The following FAXC variants were observed in gnomAD, a reference collection of about 807,000 sequenced individuals.
The protein encoded by FAXC is failed axon connections homolog.
Under a neutral mutation model 41.9 loss-of-function variants are expected in FAXC, and 10 were observed. The observed-to-expected ratio is 0.24, with a 90% CI of 0.15 to 0.41. The LOEUF (loss-of-function observed/expected upper bound fraction) is 0.41. FAXC is among the 10% of genes least tolerant of loss of function. FAXC has a pLI of 1.00. For missense variants in FAXC, 399 were observed against 510.9 expected, an observed-to-expected ratio of 0.78 and a Z score of 2.11; for synonymous variants, 183 against 183.8, an observed-to-expected ratio of 1.00 and a Z score of 0.03.
chr6:99,319,208 T>TAACACGGTG (rs988431505), intron 4 of FAXC, among the ~76,000 whole-genome samples: 1 of 152,034 alleles, frequency 6.6e-6, no homozygotes, highest in African/African-American at 2.4e-5. Context: ...CCATCCTGGC[T>TAACACGGTG]AACACGGTGA....
chr6:99,319,158 G>A (rs964862657), intron 4 of FAXC, among the ~76,000 whole-genome samples: 1 of 152,130 alleles, frequency 6.6e-6, no homozygotes, highest in Non-Finnish European at 1.5e-5. Flanking sequence ...AGCACTTTGG[G>A]AGGCCGAGGC....
intron 5 of FAXC, among the ~76,000 whole-genome samples, chr6:99,290,426 G>T (rs528603473): frequency 6.6e-6 from 1 of 152,230 alleles, no homozygotes; most frequent in East Asian, 1.9e-4. Context: ...GGGCGGCCGG[G>T]CGTGGTGGCT....
chr6:99,296,701 C>T (rs1290950269), intron 4 of FAXC, among the ~76,000 whole-genome samples: 1 of 152,126 alleles, frequency 6.6e-6, no homozygotes, highest in Non-Finnish European at 1.5e-5. Context: ...CGACAGACCT[C>T]ATGGCTTGGT....
intron 2 of FAXC, chr6:99,334,610 C>T (rs1275310343): frequency 3.1e-6 from 3 of 981,694 alleles, no homozygotes; most frequent in Non-Finnish European, 3.6e-6. Context: ...TTACCACATA[C>T]CATAGCCCCT....
intron 4 of FAXC, among the ~76,000 whole-genome samples, chr6:99,322,670 T>C (rs1772635062): frequency 6.6e-6 from 1 of 152,148 alleles, no homozygotes; most frequent in South Asian, 2.1e-4. Flanking sequence ...ATTTCACACA[T>C]AGAAGGTCCT....
chr6:99,313,093 G>C (rs935680767), intron 4 of FAXC, among the ~76,000 whole-genome samples: 1 of 152,198 alleles, frequency 6.6e-6, no homozygotes, highest in Non-Finnish European at 1.5e-5. Context: ...AGGAATTCAA[G>C]ACCAGCCTGG....
In FAXC at chr6:99,275,698, G is replaced by C. The variant is rs1770579204; in HGVS notation, c.*5466C>G. On this transcript the variant is annotated 3_prime_UTR_variant, in exon 6 of 6. Transcript: ENST00000389677. Reference sequence around the variant, plus strand: ...CTAACTGGCAAGGCTAACGTTGCTGGTTCCAGCAGTCTCATCTCAAAGATT... The same window carrying C: ...CTAACTGGCAAGGCTAACGTTGCTGCTTCCAGCAGTCTCATCTCAAAGATT... 3.3e-5 allele frequency: 5 copies of C among 152,132 alleles called. No individual in the cohort carries two copies. The allele number at this position is 152,132 out of a possible 1,614,324, so 9.4% of individuals were successfully genotyped here.
intron 3 of FAXC, among the ~76,000 whole-genome samples, chr6:99,328,669 C>A (rs1772916404): frequency 6.6e-6 from 1 of 152,210 alleles, no homozygotes; most frequent in Non-Finnish European, 1.5e-5. Context: ...CCACTCCCAA[C>A]TGTCCTTGGA....
chr6:99,321,802 C>G (rs180980758), intron 4 of FAXC, among the ~76,000 whole-genome samples: 1 of 152,346 alleles, frequency 6.6e-6, no homozygotes, highest in East Asian at 1.9e-4. Context: ...ATTTTCCCAA[C>G]CAGAAATGTC....
chr6:99,328,668 A>G (rs1470714568), intron 3 of FAXC, among the ~76,000 whole-genome samples: 1 of 151,916 alleles, frequency 6.6e-6, no homozygotes, highest in African/African-American at 2.4e-5. Context: ...GCCACTCCCA[A>G]CTGTCCTTGG....
chr6:99,331,422 C>T (rs2128462250), intron 3 of FAXC, among the ~76,000 whole-genome samples: 1 of 152,142 alleles, frequency 6.6e-6, no homozygotes, highest in African/African-American at 2.4e-5. Context: ...AGTATCAGCT[C>T]GGGGCTGGTG....
At chr6:99,334,875 G>A (rs893586355) in intron 2 of FAXC, among the ~76,000 whole-genome samples, 2 of 152,120 alleles carry the variant, frequency 1.3e-5, no homozygotes, top group Non-Finnish European at 1.5e-5. Flanking sequence ...CGGTCTCATT[G>A]GCTATCTAAG....
At position 99,288,818 on chromosome 6, in the gene FAXC, G is replaced by A. The variant is rs568642381; in HGVS notation, c.940+2886C>T. Among the ~76,000 whole-genome samples, 16 of 142,172 alleles carry A rather than the reference G, an allele frequency of 1.1e-4. No homozygotes were observed. The South Asian group carries it at 3.5e-3, about 31-fold the overall frequency. 93.3% of individuals were successfully genotyped at this position (142,172 alleles called of 152,430 possible). On this transcript the variant is annotated intron_variant, in intron 5 of 5. Transcript: ENST00000389677. The stretch of plus-strand genomic sequence containing the variant: ...AGTGAGAGCTGCTGGCGTCAGCCTG[G>A]TCTAACCTCCTGGGCATGCACATGA...
intron 2 of FAXC, among the ~76,000 whole-genome samples, chr6:99,341,770 A>G (rs1187712221): frequency 7.2e-5 from 11 of 152,218 alleles, no homozygotes; most frequent in Admixed American, 7.2e-4. Flanking sequence ...AGAGCTCTCT[A>G]TATCCAAACA....
At chr6:99,292,964 G>A (rs1811840) in intron 4 of FAXC, among the ~76,000 whole-genome samples, 81,486 of 151,942 alleles carry the variant, frequency 0.54, 22,513 homozygotes, top group African/African-American at 0.65. Flanking sequence ...CCACCACCAC[G>A]CCTGGCTAAT....
In FAXC at chr6:99,281,242, G is replaced by A; in HGVS notation, c.1152C>T (p.Asp384=). The A allele has an allele frequency of 6.2e-7, 1 of 1,613,172 alleles. No homozygotes were observed. The change falls in exon 6 of 6, where the codon GAC becomes GAT. Residue 384 remains aspartate (D), a synonymous_variant. Coordinates refer to ENST00000389677, the MANE Select transcript of FAXC (RefSeq NM_032511.4). ...AGAGTGAGTGTCCAGTAAAATCTGT[G>A]TCTGGGGTTCTGGAAAAACTGTTTT... The part of the protein sequence containing the change: ...GAENSFSRTP[D]TDFTGHSLFD...
At chr6:99,291,329 T>C (rs942375160) in intron 5 of FAXC, among the ~76,000 whole-genome samples, 8 of 152,294 alleles carry the variant, frequency 5.3e-5, no homozygotes, top group African/African-American at 1.2e-4. Context: ...GGAGCCCCCA[T>C]TGCCCAAAGG....
intron 4 of FAXC, among the ~76,000 whole-genome samples, chr6:99,299,966 T>G (rs1471231418): frequency 5.3e-5 from 8 of 152,046 alleles, no homozygotes; most frequent in Non-Finnish European, 1.2e-4. Context: ...GCTCCTTAAT[T>G]TAATCCCTCT....
At chr6:99,309,264 C>T (rs191036046) in intron 4 of FAXC, among the ~76,000 whole-genome samples, 25 of 151,882 alleles carry the variant, frequency 1.6e-4, no homozygotes, top group African/African-American at 5.6e-4. Context: ...GAAATTTAAG[C>T]ACAAAGTCAA....
Sources: gnomAD v4.1 joint callset for allele counts (sites outside exome capture counted in the v4.1 genomes callset) on GRCh38, gnomAD v4.1.1 for gene constraint, MANE v1.5 for transcripts, NCBI Gene and HGNC (gene_info 2026-07-23, HGNC 2026-07-21) for gene names.